Variants in ZBTB16 observed in about 807,000 individuals in gnomAD.
The protein encoded by ZBTB16 is zinc finger and BTB domain-containing protein 16.
In ZBTB16, 8 loss-of-function variants were observed where a neutral mutation model predicts 56.8. That is an observed-to-expected ratio of 0.14 (90% confidence interval 0.08 to 0.25). The LOEUF is 0.25. Among genes scored for constraint, ZBTB16 ranks in the 10% least tolerant of loss-of-function variants. The probability of loss-of-function intolerance (pLI) is 1.00; values close to 1 mark genes in which losing one functional copy is unlikely to be tolerated. For missense variants in ZBTB16, 625 were observed against 903.0 expected (o/e 0.69, Z 3.95); for synonymous variants, 363 against 368.5 (o/e 0.98, Z 0.17).
At chr11:114,187,815 TG>T (rs1943398420) in intron 4 of ZBTB16, 1 of 153,220 alleles carries the variant, frequency 6.5e-6, no homozygotes, top group Non-Finnish European at 1.5e-5. Flanking sequence ...TATTACCACC[TG>T]AGCTCCTCCT....
chr11:114,105,612 A>C (rs1186836145), intron 2 of ZBTB16, among the ~76,000 whole-genome samples: 1 of 152,114 alleles, frequency 6.6e-6, no homozygotes, highest in Non-Finnish European at 1.5e-5. Context: ...TGAGGTATTG[A>C]TTTTAGTTTC....
chr11:114,240,588 A>C (rs956310571), intron 4 of ZBTB16, among the ~76,000 whole-genome samples: 1 of 152,064 alleles, frequency 6.6e-6, no homozygotes, highest in Non-Finnish European at 1.5e-5. Flanking sequence ...ACAGAGACAC[A>C]CAGATGGGCC....
chr11:114,167,390 T>G (rs1008816290), intron 3 of ZBTB16, among the ~76,000 whole-genome samples: 15 of 130,426 alleles, frequency 1.2e-4, no homozygotes, highest in Middle Eastern at 3.7e-3. Context: ...TTTTTTGTTT[T>G]TTTTTTTTTT....
At chr11:114,095,741 A>G (rs1259710912) in intron 2 of ZBTB16, among the ~76,000 whole-genome samples, 1 of 152,184 alleles carries the variant, frequency 6.6e-6, no homozygotes, top group Non-Finnish European at 1.5e-5. Context: ...AGTAAACCCT[A>G]AATCCCTTTC....
At chr11:114,133,938 A>G (rs1441398029) in intron 2 of ZBTB16, among the ~76,000 whole-genome samples, 3 of 152,204 alleles carry the variant, frequency 2.0e-5, no homozygotes, top group African/African-American at 7.2e-5. Context: ...AAATGTTGAC[A>G]TCTCCCATGG....
chr11:114,065,705 G>C (rs1442447015), intron 2 of ZBTB16, among the ~76,000 whole-genome samples: 2 of 152,132 alleles, frequency 1.3e-5, no homozygotes, highest in South Asian at 2.1e-4. Flanking sequence ...ATGAGCCACC[G>C]TGTCCAGCTG....
chr11:114,230,326 T>TAAGACCAACTCC (rs1366742967), intron 4 of ZBTB16, among the ~76,000 whole-genome samples: 2 of 152,182 alleles, frequency 1.3e-5, no homozygotes, highest in Non-Finnish European at 2.9e-5. Flanking sequence ...CTGCCGTTGC[T>TAAGACCAACTCC]AAGACCAACT....
At chr11:114,130,324 G>A (rs1941627126) in intron 2 of ZBTB16, among the ~76,000 whole-genome samples, 1 of 152,188 alleles carries the variant, frequency 6.6e-6, no homozygotes, top group Admixed American at 6.5e-5. Context: ...GCATGTTGGA[G>A]GCCCTTGTGC....
chr11:114,191,566 C>T (rs139174947), intron 4 of ZBTB16, among the ~76,000 whole-genome samples: 7 of 152,308 alleles, frequency 4.6e-5, no homozygotes, highest in Non-Finnish European at 1.0e-4. Flanking sequence ...ACCCAACTCA[C>T]GTGCTCTTTC....
At chr11:114,169,400 C>T in intron 3 of ZBTB16, among the ~76,000 whole-genome samples, 1 of 152,156 alleles carries the variant, frequency 6.6e-6, no homozygotes, top group Non-Finnish European at 1.5e-5. Context: ...CTTCCCCAGG[C>T]ACGCGCTGGG....
At chr11:114,170,571 C>G (rs1338939193) in intron 3 of ZBTB16, among the ~76,000 whole-genome samples, 1 of 152,138 alleles carries the variant, frequency 6.6e-6, no homozygotes, top group African/African-American at 2.4e-5. Context: ...CCTCCTCCTT[C>G]CCCCAAACCA....
At chr11:114,203,644 T>C (rs1943786435) in intron 4 of ZBTB16, among the ~76,000 whole-genome samples, 1 of 150,578 alleles carries the variant, frequency 6.6e-6, no homozygotes, top group Non-Finnish European at 1.5e-5. Flanking sequence ...ATATTTCAAT[T>C]AAAATAAAAA....
rs573013720 is a variant in ZBTB16 at position 114,064,706 on chromosome 11, A to G, written c.1268+138A>G. On this transcript the variant is annotated intron_variant, in intron 2 of 6. Coordinates refer to ENST00000335953, the MANE Select transcript of ZBTB16 (RefSeq NM_006006.6). This position sits in a 1 kb window ranked among gnomAD's most constrained non-coding sequence, Gnocchi z 4.2. ...GTGAAAAAACCAGAACACTTCTTCT[A>G]AAGTTCTGGCGGGGAGGGGAGCAGG... 43 of 1,199,004 alleles carry G rather than the reference A, an allele frequency of 3.6e-5. No homozygotes were observed. The East Asian group carries it at 9.7e-4, about 27-fold the overall frequency. The allele number at this position is 1,199,004 out of a possible 1,614,324, so 74.3% of individuals were successfully genotyped here. A position where few individuals can be genotyped will look rare whatever the true frequency, so the allele number is the denominator to read the frequency against.
At chr11:114,138,369 GA>G (rs2134884409) in intron 2 of ZBTB16, among the ~76,000 whole-genome samples, 1 of 152,336 alleles carries the variant, frequency 6.6e-6, no homozygotes, top group South Asian at 2.1e-4. Context: ...ACGGAGAGAA[GA>G]GGTTATTTTC....
intron 4 of ZBTB16, among the ~76,000 whole-genome samples, chr11:114,207,296 A>C (rs370577573): frequency 6.6e-6 from 1 of 152,156 alleles, no homozygotes; most frequent in African/African-American, 2.4e-5. Context: ...AACCCGGATG[A>C]GTCAGAACCT....
At chr11:114,224,039 G>T (rs1944286701) in intron 4 of ZBTB16, among the ~76,000 whole-genome samples, 1 of 152,152 alleles carries the variant, frequency 6.6e-6, no homozygotes, top group Non-Finnish European at 1.5e-5. Context: ...AGTAGTTTTT[G>T]CCTTTTTCTG....
At chr11:114,130,457 G>C (rs574795730) in intron 2 of ZBTB16, among the ~76,000 whole-genome samples, 1 of 152,340 alleles carries the variant, frequency 6.6e-6, no homozygotes, top group East Asian at 1.9e-4. Context: ...TGCCCCAAGG[G>C]CATGACTGTG....
chr11:114,178,581 G>A (rs1231568885), intron 3 of ZBTB16, among the ~76,000 whole-genome samples: 2 of 152,110 alleles, frequency 1.3e-5, no homozygotes, highest in Admixed American at 6.6e-5. Context: ...TGGATTACCC[G>A]CTGGTGCTAA....
chr11:114,116,907 G>T (rs1941190840), intron 2 of ZBTB16, among the ~76,000 whole-genome samples: 1 of 152,186 alleles, frequency 6.6e-6, no homozygotes, highest in South Asian at 2.1e-4. Context: ...AGCTGGTAGG[G>T]GAGGCAGACA....
Sources: allele counts gnomAD v4.1 joint callset (sites outside exome capture counted in the v4.1 genomes callset), GRCh38; gene constraint gnomAD v4.1.1; non-coding constraint Gnocchi (gnomAD v3.1); transcripts MANE v1.5; gene names NCBI Gene and HGNC (gene_info 2026-07-23, HGNC 2026-07-21).